CNTNAP5: variants seen among roughly 807,000 people sequenced by gnomAD.
CNTNAP5 encodes contactin associated protein family member 5.
In CNTNAP5, 72 loss-of-function variants were observed where a neutral mutation model predicts 150.2. The observed-to-expected ratio is 0.48, with a 90% CI of 0.40 to 0.58. The LOEUF (loss-of-function observed/expected upper bound fraction) is 0.58, where lower values mean the gene tolerates loss of function less well. Among genes scored for constraint, CNTNAP5 ranks in the 20% least tolerant of loss-of-function variants. The pLI, the probability that CNTNAP5 is intolerant of heterozygous loss-of-function variation, is 0.00. For synonymous variants in CNTNAP5, 672 were observed against 619.8 expected (o/e 1.08, Z -1.25); for missense variants, 1,636 against 1,626.2 (o/e 1.01, Z -0.10).
At chr2:124,257,058 C>T (rs562376947) in intron 3 of CNTNAP5, among the ~76,000 whole-genome samples, 14 of 152,198 alleles carry the variant, frequency 9.2e-5, no homozygotes, top group Admixed American at 8.5e-4. Flanking sequence ...CCCACGCAGT[C>T]CCAAAGACTA....
chr2:124,353,792 G>A (rs1245073144), intron 3 of CNTNAP5, among the ~76,000 whole-genome samples: 2 of 152,170 alleles, frequency 1.3e-5, no homozygotes, highest in Non-Finnish European at 2.9e-5. Context: ...AGACAAGAAG[G>A]TGCATAACAA....
At chr2:124,163,655 T>C (rs1386444057) in intron 1 of CNTNAP5, among the ~76,000 whole-genome samples, 1 of 152,130 alleles carries the variant, frequency 6.6e-6, no homozygotes, top group Admixed American at 6.6e-5. Context: ...GTTTCCTCCC[T>C]TAAATCTGCA....
chr2:124,477,289 G>A lies in CNTNAP5; in HGVS notation c.1062+2407G>A, dbSNP rs1308876602. 2.0e-5 allele frequency among the ~76,000 whole-genome samples: 3 copies of A among 152,114 alleles called. No homozygotes were observed. The South Asian group carries it at 6.2e-4, about 32-fold the overall frequency. On this transcript the variant is annotated intron_variant, in intron 7 of 23. Coordinates refer to ENST00000682447, the MANE Select transcript of CNTNAP5 (RefSeq NM_001367498.1). ...CTATGGCTTAAATGACTTTGTGTTT[G>A]TTTTATTCTTTGATAAATATAATCT... is the stretch of plus-strand genomic sequence containing the variant.
intron 22 of CNTNAP5, among the ~76,000 whole-genome samples, chr2:124,908,020 T>C (rs369358493): frequency 3.3e-5 from 5 of 152,048 alleles, no homozygotes; most frequent in South Asian, 2.1e-4. Flanking sequence ...TGGTTAATAA[T>C]GTTAAAAGTA....
intron 14 of CNTNAP5, among the ~76,000 whole-genome samples, chr2:124,758,484 G>A (rs1347523491): frequency 6.6e-6 from 1 of 151,834 alleles, no homozygotes. Context: ...GAAGGCAAAA[G>A]TAAAATGTAA....
chr2:124,564,817 G>A (rs1315972543), intron 11 of CNTNAP5, among the ~76,000 whole-genome samples: 2 of 152,198 alleles, frequency 1.3e-5, no homozygotes, highest in African/African-American at 4.8e-5. Flanking sequence ...GAATTGCAGA[G>A]CATTTCATGA....
chr2:124,644,537 A>G (rs1678164100), intron 12 of CNTNAP5, among the ~76,000 whole-genome samples: 1 of 152,252 alleles, frequency 6.6e-6, no homozygotes, highest in Non-Finnish European at 1.5e-5. Context: ...GAATGTATGA[A>G]CAATCAGATG....
chr2:124,381,070 C>T (rs1409669124), intron 3 of CNTNAP5, among the ~76,000 whole-genome samples: 1 of 152,094 alleles, frequency 6.6e-6, no homozygotes, highest in Non-Finnish European at 1.5e-5. Flanking sequence ...GAGAAGTGAG[C>T]TCTGCTCAGA....
chr2:124,472,517 G>A (rs1479507331), intron 6 of CNTNAP5, among the ~76,000 whole-genome samples: 1 of 151,110 alleles, frequency 6.6e-6, no homozygotes, highest in Non-Finnish European at 1.5e-5. Flanking sequence ...GGAAATAAAT[G>A]TATAAGAAAT....
chr2:124,480,531 T>A (rs943151235), intron 7 of CNTNAP5, among the ~76,000 whole-genome samples: 1 of 152,114 alleles, frequency 6.6e-6, no homozygotes, highest in African/African-American at 2.4e-5. Context: ...ACATATAACA[T>A]ACACACACAC....
chr2:124,731,647 A>T (rs1573579522), intron 13 of CNTNAP5, among the ~76,000 whole-genome samples: 1 of 152,140 alleles, frequency 6.6e-6, no homozygotes, highest in East Asian at 1.9e-4. Flanking sequence ...AAGAAAGAAA[A>T]AAGAAATAAG....
intron 7 of CNTNAP5, among the ~76,000 whole-genome samples, chr2:124,500,509 C>G (rs1694252901): frequency 6.6e-6 from 1 of 151,992 alleles, no homozygotes; most frequent in Non-Finnish European, 1.5e-5. Context: ...TGAAGGCAGA[C>G]AAGTGTGATA....
At chr2:124,169,966 G>T (rs140714258) in intron 1 of CNTNAP5, among the ~76,000 whole-genome samples, 105 of 152,278 alleles carry the variant, frequency 6.9e-4, no homozygotes, top group African/African-American at 2.5e-3. Context: ...TGTGGGAAAA[G>T]AAAATGGGTA....
At chr2:124,899,683 G>A (rs1367196625) in intron 21 of CNTNAP5, among the ~76,000 whole-genome samples, 1 of 151,172 alleles carries the variant, frequency 6.6e-6, no homozygotes, top group African/African-American at 2.5e-5. Context: ...GCCTTTGCTT[G>A]CATTCCCATT....
At chr2:124,146,314 C>T (rs765376509) in intron 1 of CNTNAP5, among the ~76,000 whole-genome samples, 1 of 152,162 alleles carries the variant, frequency 6.6e-6, no homozygotes. Context: ...ACACAAAACC[C>T]TCCCTTCCCA....
chr2:124,325,004 C>T (rs1329249735), intron 3 of CNTNAP5, among the ~76,000 whole-genome samples: 1 of 152,134 alleles, frequency 6.6e-6, no homozygotes, highest in Non-Finnish European at 1.5e-5. Context: ...CAGAGTTATT[C>T]ATTCAGGAAC....
At chr2:124,882,528 G>C (rs1409417041) in intron 21 of CNTNAP5, among the ~76,000 whole-genome samples, 7 of 152,076 alleles carry the variant, frequency 4.6e-5, no homozygotes, top group African/African-American at 7.2e-5. Flanking sequence ...CCAAGGTCCT[G>C]TTTCCCTACT....
At chr2:124,885,661 T>C (rs1573687839) in intron 21 of CNTNAP5, among the ~76,000 whole-genome samples, 1 of 151,956 alleles carries the variant, frequency 6.6e-6, no homozygotes, top group Admixed American at 6.6e-5. Context: ...ACTAAGCTGC[T>C]TTCTGTCTGT....
intron 8 of CNTNAP5, among the ~76,000 whole-genome samples, chr2:124,506,989 A>G (rs1573421210): frequency 6.6e-6 from 1 of 152,348 alleles, no homozygotes; most frequent in East Asian, 1.9e-4. Flanking sequence ...ACTTGAGTCT[A>G]TAAAAGAAAT....
Sources: gnomAD v4.1 joint callset for allele counts (sites outside exome capture counted in the v4.1 genomes callset) on GRCh38, gnomAD v4.1.1 for gene constraint, MANE v1.5 for transcripts, NCBI Gene and HGNC (gene_info 2026-07-23, HGNC 2026-07-21) for gene names.